The following GPC6 variants were observed in gnomAD, a reference collection of about 807,000 sequenced individuals.
GPC6 encodes the protein glypican 6.
GPC6 carries 14 observed loss-of-function variants against 55.2 expected under a neutral mutation model. That is an observed-to-expected ratio of 0.25 (90% CI 0.17 to 0.40). The LOEUF is 0.40. GPC6 is among the 10% of genes least tolerant of loss of function. GPC6 has a pLI of 1.00. For missense variants in GPC6, 641 were observed against 708.5 expected (o/e 0.90, Z 1.08); for synonymous variants, 278 against 259.6 (o/e 1.07, Z -0.68).
intron 1 of GPC6, among the ~76,000 whole-genome samples, chr13:93,231,382 T>TATATATATATATATAC (rs1876033448): frequency 3.7e-5 from 1 of 26,784 alleles, no homozygotes; most frequent in Non-Finnish European, 6.5e-5. Context: ...TATATATACA[T>TATATATATATATATAC]ATATATATAT....
intron 1 of GPC6, among the ~76,000 whole-genome samples, chr13:93,344,362 A>C (rs1880363316): frequency 6.6e-6 from 1 of 152,172 alleles, no homozygotes. Context: ...ATCCCAAGGC[A>C]GGCTTTTTCT....
At chr13:93,616,711 A>G (rs898328423) in intron 2 of GPC6, among the ~76,000 whole-genome samples, 4 of 152,124 alleles carry the variant, frequency 2.6e-5, no homozygotes, top group Non-Finnish European at 5.9e-5. Context: ...TTGCCTTAAA[A>G]TAATGTTTTA....
intron 4 of GPC6, among the ~76,000 whole-genome samples, chr13:94,043,499 A>G (rs1883614327): frequency 6.6e-6 from 1 of 152,016 alleles, no homozygotes; most frequent in Admixed American, 6.6e-5. Context: ...CAATAATAAA[A>G]CCAGGAAATT....
intron 1 of GPC6, among the ~76,000 whole-genome samples, chr13:93,435,715 G>A (rs901682058): frequency 6.6e-6 from 1 of 152,118 alleles, no homozygotes; most frequent in Non-Finnish European, 1.5e-5. Context: ...TCCAACTGTT[G>A]CAAGCCCAGT....
At chr13:93,776,797 C>A (rs940793188) in intron 2 of GPC6, among the ~76,000 whole-genome samples, 15 of 152,076 alleles carry the variant, frequency 9.9e-5, no homozygotes, top group African/African-American at 3.6e-4. Context: ...ATACCTTGTC[C>A]CTGTTAAACC....
intron 3 of GPC6, among the ~76,000 whole-genome samples, chr13:94,023,256 T>C (rs1882769437): frequency 6.6e-6 from 1 of 152,026 alleles, no homozygotes; most frequent in Non-Finnish European, 1.5e-5. Context: ...TAGAACTCTT[T>C]TCTTTATTTT....
At chr13:93,667,829 G>A (rs1482636929) in intron 2 of GPC6, among the ~76,000 whole-genome samples, 1 of 149,500 alleles carries the variant, frequency 6.7e-6, no homozygotes, top group Admixed American at 6.7e-5. Flanking sequence ...CTGCTGAACA[G>A]CTTAGCCTGG....
chr13:94,082,987 A>G (rs1048597681), intron 4 of GPC6, among the ~76,000 whole-genome samples: 2 of 152,294 alleles, frequency 1.3e-5, no homozygotes, highest in Admixed American at 1.3e-4. Flanking sequence ...TGGCCATGGC[A>G]TATCTGTTCA....
intron 1 of GPC6, among the ~76,000 whole-genome samples, chr13:93,520,539 C>G (rs1881373176): frequency 6.6e-5 from 1 of 15,170 alleles, no homozygotes; most frequent in Non-Finnish European, 3.1e-3. Flanking sequence ...CTGAAATAGA[C>G]TTTAAAAAAA....
intron 4 of GPC6, among the ~76,000 whole-genome samples, chr13:94,122,145 A>G (rs186104868): frequency 6.6e-6 from 1 of 152,220 alleles, no homozygotes; most frequent in African/African-American, 2.4e-5. Context: ...AATAAAAAAA[A>G]GTTTTCTATT....
At chr13:93,503,741 C>T (rs1021696637) in intron 1 of GPC6, among the ~76,000 whole-genome samples, 1 of 152,100 alleles carries the variant, frequency 6.6e-6, no homozygotes, top group Admixed American at 6.6e-5. Context: ...ACAGCATTGA[C>T]GGAAGCTGTC....
intron 4 of GPC6, among the ~76,000 whole-genome samples, chr13:94,202,205 C>T (rs1189566928): frequency 6.6e-6 from 1 of 152,114 alleles, no homozygotes; most frequent in African/African-American, 2.4e-5. Context: ...AGCCCACAGT[C>T]CTTTGCATGT....
chr13:93,288,693 T>C (rs867333813), intron 1 of GPC6, among the ~76,000 whole-genome samples: 6 of 152,216 alleles, frequency 3.9e-5, no homozygotes, highest in Non-Finnish European at 7.4e-5. Context: ...GTATAGGGAA[T>C]AAACATGCTT....
intron 4 of GPC6, among the ~76,000 whole-genome samples, chr13:94,160,968 A>G (rs1888143634): frequency 2.0e-5 from 3 of 152,178 alleles, no homozygotes; most frequent in African/African-American, 7.2e-5. Context: ...ATCGTATTTC[A>G]TTATCTGCCA....
At chr13:94,293,384 C>T (rs1320350396) in intron 5 of GPC6, among the ~76,000 whole-genome samples, 1 of 152,134 alleles carries the variant, frequency 6.6e-6, no homozygotes, top group Non-Finnish European at 1.5e-5. Context: ...CCAATGGTTA[C>T]ATAAGTGTTT....
chr13:94,028,448 A>G (rs1882987996), intron 4 of GPC6, among the ~76,000 whole-genome samples: 1 of 152,098 alleles, frequency 6.6e-6, no homozygotes, highest in Non-Finnish European at 1.5e-5. Flanking sequence ...TGAAAACAAA[A>G]GTAATCTTGT....
intron 4 of GPC6, among the ~76,000 whole-genome samples, chr13:94,156,432 A>G (rs1047596442): frequency 5.3e-5 from 8 of 152,306 alleles, no homozygotes; most frequent in Admixed American, 1.3e-4. Flanking sequence ...AGATATAGAC[A>G]TAGATATATA....
chr13:93,877,497 G>A (rs1424359526), intron 3 of GPC6, among the ~76,000 whole-genome samples: 1 of 151,958 alleles, frequency 6.6e-6, no homozygotes, highest in Admixed American at 6.6e-5. Context: ...AATTTCAAAT[G>A]TGTTCCTCTT....
intron 6 of GPC6, among the ~76,000 whole-genome samples, chr13:94,368,392 T>G (rs1196512068): frequency 1.3e-5 from 2 of 152,124 alleles, no homozygotes; most frequent in African/African-American, 4.8e-5. Flanking sequence ...AAGACTTATT[T>G]AGAAGTTTCC....
Sources: gnomAD v4.1 joint callset for allele counts (sites outside exome capture counted in the v4.1 genomes callset) on GRCh38, gnomAD v4.1.1 for gene constraint, MANE v1.5 for transcripts, NCBI Gene and HGNC (gene_info 2026-07-23, HGNC 2026-07-21) for gene names.